The following TLK2 variants were observed in gnomAD, a reference collection of about 807,000 sequenced individuals.
The protein encoded by TLK2 is tousled like kinase 2.
Under a neutral mutation model 117.3 loss-of-function variants are expected in TLK2, and 6 were observed. The observed-to-expected ratio is 0.05, with a 90% CI of 0.03 to 0.10. TLK2 has a LOEUF of 0.10. Among genes scored for constraint, TLK2 ranks in the 10% least tolerant of loss-of-function variants. The pLI is 1.00. For missense variants in TLK2, 299 were observed against 901.2 expected, an observed-to-expected ratio of 0.33 and a Z score of 8.56; for synonymous variants, 257 against 316.7, an observed-to-expected ratio of 0.81 and a Z score of 2.00.
chr17:62,607,936 T>A, intron 20 of TLK2, 105 bp from the exon 21 acceptor site: 1 of 927,268 alleles, frequency 1.1e-6, no homozygotes, highest in Non-Finnish European at 1.6e-6. Flanking sequence ...TTGCAGCAAT[T>A]CAAATTAGAA....
At chr17:62,590,401 T>C (rs1336248354) in intron 16 of TLK2, among the ~76,000 whole-genome samples, 2 of 152,216 alleles carry the variant, frequency 1.3e-5, no homozygotes, top group East Asian at 3.9e-4. Flanking sequence ...ATCGCGCCAC[T>C]GTATGTACTC....
At chr17:62,591,867 C>A (rs781398263) in intron 16 of TLK2, among the ~76,000 whole-genome samples, 15 of 151,982 alleles carry the variant, frequency 9.9e-5, no homozygotes, top group Non-Finnish European at 1.8e-4. Context: ...TTCCAACTAG[C>A]CTTATAACAA....
At chr17:62,588,061 TATACATCTGTATATGTATAAAATATAC>T (rs1412737719) in intron 16 of TLK2, among the ~76,000 whole-genome samples, 1 of 136,354 alleles carries the variant, frequency 7.3e-6, no homozygotes, top group Non-Finnish European at 1.6e-5. Flanking sequence ...AAAATATACG[TATACATCTGTATATGTATAAAATATAC>T]GTATACATCT....
At chr17:62,606,044 A>T in intron 19 of TLK2, 86 bp from the exon 20 acceptor site, 1 of 562,180 alleles carries the variant, frequency 1.8e-6, no homozygotes, top group South Asian at 4.5e-5. Flanking sequence ...TCTATTTTCA[A>T]CAAGATATTT....
chr17:62,559,367 ATTTT>A (rs563561365), intron 9 of TLK2, among the ~76,000 whole-genome samples: 2 of 148,038 alleles, frequency 1.4e-5, no homozygotes, highest in Admixed American at 6.7e-5. Context: ...ATTGTAGTTT[ATTTT>A]TTTTTTATTT....
chr17:62,590,574 G>A (rs891417459), intron 16 of TLK2, among the ~76,000 whole-genome samples: 3 of 152,208 alleles, frequency 2.0e-5, no homozygotes, highest in Admixed American at 6.5e-5. Context: ...CAGAAGCTCC[G>A]TGTAGGAGAT....
At chr17:62,602,490 A>G (rs145767338) in intron 19 of TLK2, among the ~76,000 whole-genome samples, 8 of 152,302 alleles carry the variant, frequency 5.3e-5, no homozygotes, top group African/African-American at 1.9e-4. Flanking sequence ...AAGGTTGCTC[A>G]TGTGTATATA....
chr17:62,571,162 T>C (rs1755472846), intron 11 of TLK2, among the ~76,000 whole-genome samples: 1 of 152,198 alleles, frequency 6.6e-6, no homozygotes. Flanking sequence ...AAGCCATGAA[T>C]TATATATATA....
intron 16 of TLK2, among the ~76,000 whole-genome samples, chr17:62,592,639 C>T (rs1022729403): frequency 1.7e-4 from 26 of 152,170 alleles, no homozygotes; most frequent in African/African-American, 6.0e-4. Context: ...GCCTTTTTGG[C>T]ACCAGCGACC....
chr17:62,481,048 G>A, intron 1 of TLK2, 73 bp from the exon 2 acceptor site: 1 of 1,410,176 alleles, frequency 7.1e-7, no homozygotes, highest in East Asian at 2.3e-5. Context: ...ATTACTGTGA[G>A]TTTTGTTCTA....
intron 2 of TLK2, among the ~76,000 whole-genome samples, chr17:62,489,753 G>A (rs913710925): frequency 6.6e-6 from 1 of 152,132 alleles, no homozygotes; most frequent in African/African-American, 2.4e-5. Flanking sequence ...TGCATTATTA[G>A]TGTCTTTGTT....
intron 1 of TLK2, among the ~76,000 whole-genome samples, chr17:62,472,461 G>C (rs571923824): frequency 7.2e-5 from 11 of 152,118 alleles, no homozygotes; most frequent in African/African-American, 2.6e-4. Context: ...GAGGCTGGCC[G>C]GGCACGGTGG....
intron 2 of TLK2, among the ~76,000 whole-genome samples, chr17:62,490,615 C>A (rs1422792862): frequency 1.3e-5 from 2 of 152,142 alleles, no homozygotes; most frequent in Non-Finnish European, 2.9e-5. Context: ...GATCTCGGCT[C>A]ACTGCAACCT....
intron 7 of TLK2, among the ~76,000 whole-genome samples, chr17:62,545,753 A>G (rs1218478022): frequency 6.6e-6 from 1 of 152,056 alleles, no homozygotes; most frequent in Non-Finnish European, 1.5e-5. Context: ...AGGCTGTTGG[A>G]GTGCAGTGGC....
chr17:62,579,723 C>T (rs1262360222), intron 14 of TLK2, among the ~76,000 whole-genome samples: 1 of 152,160 alleles, frequency 6.6e-6, no homozygotes, highest in Non-Finnish European at 1.5e-5. Flanking sequence ...TGGAATTTTA[C>T]TGTATGTAGT....
In TLK2 at chr17:62,496,838, T is replaced by C. The variant is rs371343636; in HGVS notation, c.81+15632T>C. ...TGGGCATGGTGGCAGGCGCCTGTAG[T>C]CCCAGCTACTCGGGAGGCTGAGGCA... is the stretch of plus-strand genomic sequence containing the variant. On this transcript the variant is annotated intron_variant, in intron 2 of 21. Transcript: ENST00000346027. Among the ~76,000 whole-genome samples the C allele has an allele frequency of 3.5e-3, 521 of 150,542 alleles. 6 individuals are homozygous for C. Among genetic ancestry groups the C allele is most frequent in the African/African-American group, 0.012 (505 of 40,782 alleles).
intron 17 of TLK2, among the ~76,000 whole-genome samples, chr17:62,598,327 A>G (rs920610633): frequency 1.3e-5 from 2 of 152,184 alleles, no homozygotes; most frequent in Non-Finnish European, 2.9e-5. Flanking sequence ...TTTGAATTGT[A>G]TACACACTTT....
At chr17:62,503,553 G>A (rs2074401389) in intron 2 of TLK2, among the ~76,000 whole-genome samples, 1 of 151,842 alleles carries the variant, frequency 6.6e-6, no homozygotes, top group Non-Finnish European at 1.5e-5. Context: ...TAGTTGCTGG[G>A]ATTATGGACG....
rs188672595 is a variant in TLK2, at chr17:62,545,515, G to A, written c.532-6787G>A. On this transcript the variant is annotated intron_variant, in intron 7 of 21. Coordinates refer to ENST00000346027, the MANE Select transcript of TLK2 (RefSeq NM_006852.6). ...ACCTGTAATCCCAGTTATTTGGGAG[G>A]CTGAGGCAGGGGAATTGCTTGAACC... Among the ~76,000 whole-genome samples the A allele has an allele frequency of 5.2e-4, 79 of 152,088 alleles. 1 individual carries two copies. The highest frequency in any genetic ancestry group is 1.7e-3 in the African/African-American group (71 of 41,498).
Sources: allele counts gnomAD v4.1 joint callset (sites outside exome capture counted in the v4.1 genomes callset), GRCh38; gene constraint gnomAD v4.1.1; transcripts MANE v1.5; gene names NCBI Gene and HGNC (gene_info 2026-07-23, HGNC 2026-07-21).